The following SLC24A3 variants were observed in gnomAD, a reference collection of about 807,000 sequenced individuals.
The protein encoded by SLC24A3 is sodium/potassium/calcium exchanger 3.
A neutral mutation model predicts 75.8 loss-of-function variants in SLC24A3; 28 were observed. The ratio of observed to expected loss-of-function variants is 0.37; its 90% CI spans 0.27 to 0.51. The LOEUF is 0.51. SLC24A3 is among the 20% of genes least tolerant of loss of function. The pLI is 0.94. For missense variants in SLC24A3, 663 were observed against 847.8 expected, an observed-to-expected ratio of 0.78 and a Z score of 2.71; for synonymous variants, 372 against 334.1, an observed-to-expected ratio of 1.11 and a Z score of -1.24.
intron 2 of SLC24A3, among the ~76,000 whole-genome samples, chr20:19,390,329 C>T (rs1986345398): frequency 6.6e-6 from 1 of 152,116 alleles, no homozygotes; most frequent in South Asian, 2.1e-4. Context: ...TTGGAAAAGC[C>T]CTTCACCAGT....
chr20:19,233,717 T>G (rs1982089554), intron 1 of SLC24A3, among the ~76,000 whole-genome samples: 1 of 152,198 alleles, frequency 6.6e-6, no homozygotes. Flanking sequence ...TCTTTGTAGT[T>G]CCTGTCATGA....
chr20:19,608,478 C>T (rs1342855331), intron 6 of SLC24A3, among the ~76,000 whole-genome samples: 3 of 152,184 alleles, frequency 2.0e-5, no homozygotes, highest in African/African-American at 4.8e-5. Context: ...ATATCTGTAC[C>T]ATTTGCTGGT....
intron 7 of SLC24A3, among the ~76,000 whole-genome samples, chr20:19,658,851 G>GC (rs1448259286): frequency 1.3e-5 from 2 of 152,150 alleles, no homozygotes; most frequent in Non-Finnish European, 2.9e-5. Context: ...CTTCTCCTCT[G>GC]CCCCCAGTGA....
intron 1 of SLC24A3, among the ~76,000 whole-genome samples, chr20:19,222,787 T>TCCCTCCCTCCCTCCCTCCCTC (rs1568561350): frequency 1.3e-5 from 1 of 77,326 alleles, no homozygotes; most frequent in African/African-American, 5.9e-5. Context: ...CTCCCTCCCT[T>TCCCTCCCTCCCTCCCTCCCTC]CCTTCCTTCC....
At chr20:19,280,195 T>G (rs1268206017) in intron 1 of SLC24A3, among the ~76,000 whole-genome samples, 1 of 152,156 alleles carries the variant, frequency 6.6e-6, no homozygotes, top group Non-Finnish European at 1.5e-5. Context: ...TGTTCTTTCT[T>G]CTGGCACCTC....
intron 2 of SLC24A3, among the ~76,000 whole-genome samples, chr20:19,316,405 A>G (rs1246146144): frequency 6.6e-6 from 1 of 152,254 alleles, no homozygotes; most frequent in Non-Finnish European, 1.5e-5. Flanking sequence ...CCACTGGGTC[A>G]GGGTGTAGGC....
intron 15 of SLC24A3, among the ~76,000 whole-genome samples, chr20:19,704,508 T>C (rs2032906621): frequency 6.6e-6 from 1 of 152,218 alleles, no homozygotes. Flanking sequence ...TCTTAGAGTA[T>C]ACATTGAGTG....
At chr20:19,644,495 A>G (rs1028635933) in intron 6 of SLC24A3, among the ~76,000 whole-genome samples, 1 of 152,150 alleles carries the variant, frequency 6.6e-6, no homozygotes, top group African/African-American at 2.4e-5. Context: ...GGAGGCACAC[A>G]CTTAGCTGTG....
chr20:19,510,372 C>T (rs1988518676), intron 2 of SLC24A3, among the ~76,000 whole-genome samples: 2 of 152,244 alleles, frequency 1.3e-5, no homozygotes, highest in South Asian at 4.1e-4. Flanking sequence ...TCTGCCACCT[C>T]CACCCCATGC....
chr20:19,309,563 AC>A (rs869037207), intron 2 of SLC24A3, among the ~76,000 whole-genome samples: 1 of 142,318 alleles, frequency 7.0e-6, no homozygotes, highest in African/African-American at 3.0e-5. Context: ...GTACCTATGC[AC>A]ACTGAATTTT....
chr20:19,573,272 A>T (rs1019483396), intron 3 of SLC24A3, among the ~76,000 whole-genome samples: 10 of 152,194 alleles, frequency 6.6e-5, no homozygotes, highest in African/African-American at 1.9e-4. Context: ...CACCTCTAAT[A>T]TGTCATGGGC....
intron 2 of SLC24A3, among the ~76,000 whole-genome samples, chr20:19,331,364 G>T (rs781178796): frequency 9.2e-5 from 14 of 152,150 alleles, no homozygotes; most frequent in Non-Finnish European, 1.8e-4. Flanking sequence ...TGGATGAGTG[G>T]TGGACAGATA....
chr20:19,604,016 A>C (rs2031563521), intron 6 of SLC24A3, among the ~76,000 whole-genome samples: 1 of 152,220 alleles, frequency 6.6e-6, no homozygotes, highest in African/African-American at 2.4e-5. Flanking sequence ...CGGGCAGCAC[A>C]GTGTGGTCCA....
chr20:19,220,992 G>T (rs574471617), intron 1 of SLC24A3, among the ~76,000 whole-genome samples: 1 of 152,206 alleles, frequency 6.6e-6, no homozygotes, highest in African/African-American at 2.4e-5. Flanking sequence ...GTGAATATAT[G>T]TGTTTTTCTG....
At chr20:19,358,427 A>G (rs1260505904) in intron 2 of SLC24A3, among the ~76,000 whole-genome samples, 4 of 152,176 alleles carry the variant, frequency 2.6e-5, no homozygotes, top group African/African-American at 9.7e-5. Context: ...TAGCAGAGGA[A>G]ATGACCCCTC....
At chr20:19,315,367 C>A (rs1001703575) in intron 2 of SLC24A3, among the ~76,000 whole-genome samples, 1 of 152,128 alleles carries the variant, frequency 6.6e-6, no homozygotes, top group Non-Finnish European at 1.5e-5. Context: ...GTGCCAGAGA[C>A]CCCATTCAGG....
chr20:19,696,167 A>G (rs1243968361), intron 13 of SLC24A3, among the ~76,000 whole-genome samples: 2 of 151,342 alleles, frequency 1.3e-5, no homozygotes, highest in Non-Finnish European at 2.9e-5. Context: ...ACAGACATAC[A>G]CCACCATGCC....
chr20:19,501,567 T>C (rs1011473644), intron 2 of SLC24A3, among the ~76,000 whole-genome samples: 4 of 152,196 alleles, frequency 2.6e-5, no homozygotes, highest in African/African-American at 9.7e-5. Context: ...TAGAACACAA[T>C]TTTACCTTCT....
rs1251226306 is a variant in SLC24A3 at position 19,336,701 on chromosome 20, C to T, written c.271+55614C>T. ...CCCGCCCGCCACCCCCCACCCCCCA[C>T]CCCCCACCCCCTCCTGCCCTGGACT... On this transcript the variant is annotated intron_variant, in intron 2 of 16. Transcript: ENST00000328041. Among the ~76,000 whole-genome samples, 313 of 130,290 alleles carry T rather than the reference C, an allele frequency of 2.4e-3. 3 individuals are homozygous for T. The highest frequency in any genetic ancestry group is 8.5e-3 in the African/African-American group (300 of 35,218). 85.5% of individuals were successfully genotyped at this position (130,290 alleles called of 152,430 possible).
Sources: allele counts gnomAD v4.1 joint callset (sites outside exome capture counted in the v4.1 genomes callset), GRCh38; gene constraint gnomAD v4.1.1; transcripts MANE v1.5; gene names NCBI Gene and HGNC (gene_info 2026-07-23, HGNC 2026-07-21).